The following HYI variants were observed in gnomAD, a reference collection of about 807,000 sequenced individuals.
HYI encodes the protein hydroxypyruvate isomerase (putative), also known as putative hydroxypyruvate isomerase.
Under a neutral mutation model 39.7 loss-of-function variants are expected in HYI, and 47 were observed. That is an observed-to-expected ratio of 1.18 (90% CI 0.94 to 1.51). The LOEUF is 1.51. HYI is among the 40% of genes most tolerant of loss of function. HYI has a pLI of 0.00. For synonymous variants in HYI, 186 were observed against 158.8 expected, an observed-to-expected ratio of 1.17 and a Z score of -1.29; for missense variants, 465 against 370.3, an observed-to-expected ratio of 1.26 and a Z score of -2.10.
In HYI at chr1:43,451,561, A is replaced by G; in HGVS notation, c.626-17T>C. The G allele has an allele frequency of 1.2e-6, 2 of 1,613,472 alleles. No individual in the cohort carries two copies. The highest frequency in any genetic ancestry group is 1.7e-6 in the Non-Finnish European group (2 of 1,179,594). On this transcript the variant is annotated splice_polypyrimidine_tract_variant and intron_variant, in intron 6 of 7. Coordinates refer to ENST00000372430, the MANE Select transcript of HYI (RefSeq NM_001190880.3). ...GCACATGCCCTGGGGACAGATGTGG[A>G]CAAATGTGGGGTCCAGGCTCCTGCC...
chr1:43,453,751 G>C lies in HYI; in HGVS notation c.43C>G (p.Pro15Ala). The C allele has an allele frequency of 4.3e-6, 6 of 1,379,824 alleles. No individual in the cohort carries two copies. In the South Asian group the frequency reaches 8.7e-5, roughly 20 times the overall value. The allele number at this position is 1,379,824 out of a possible 1,614,324, so 85.5% of individuals were successfully genotyped here. A position where few individuals can be genotyped will look rare whatever the true frequency, so the allele number is the denominator to read the frequency against. ...RFSANLSWLF[P>A]ELSGLPARVR... ...CGCGCGGGGAGGCCGGAGAGCTCGGGGAATAGCCAGGACAGATTGGCGGAG... is the reference window on the plus strand; with the variant it reads ...CGCGCGGGGAGGCCGGAGAGCTCGGCGAATAGCCAGGACAGATTGGCGGAG... The change falls in exon 1 of 8, where the codon CCC becomes GCC. Residue 15 changes from proline (P) to alanine (A), a missense_variant. Pro to Ala is a conservative substitution (Grantham distance 27). Coordinates refer to ENST00000372430, the MANE Select transcript of HYI (RefSeq NM_001190880.3).
intron 2 of HYI, chr1:43,452,599 C>G: frequency 1.7e-6 from 1 of 599,428 alleles, no homozygotes. Flanking sequence ...CTGTAACCTG[C>G]TAAATTCTCA....
Position 43,453,490 on chromosome 1 carries a change from T to C in HYI, c.207A>G (p.Gln69=). 1.9e-6 allele frequency: 3 copies of C among 1,555,198 alleles called. No homozygotes were observed. The highest frequency in any genetic ancestry group is 2.6e-6 in the Non-Finnish European group (3 of 1,148,744). The stretch of plus-strand genomic sequence containing the variant: ...CCCCCAGCCCCATTTCCCCCTTCTC[T>C]TGGTCTCCTGCAGAGAGAACGGGCC... ...LVLINTPPGD[Q]EKGEMGLGAV... is the part of the protein sequence containing the mutation. Residue 69 remains glutamine, a synonymous_variant, in exon 2 of 8, where the codon CAA becomes CAG. Transcript: ENST00000372430.
chr1:43,452,360 C>T (rs748315953), intron 2 of HYI, 41 bp from the exon 3 acceptor site: 9 of 1,458,382 alleles, frequency 6.2e-6, no homozygotes, highest in Non-Finnish European at 7.6e-6. Flanking sequence ...TCCCTTGGCT[C>T]TCTCTGCACC....
At chr1:43,452,864 C>T (rs903901568) in intron 2 of HYI, 2 of 1,565,716 alleles carry the variant, frequency 1.3e-6, no homozygotes, top group South Asian at 2.4e-5. Flanking sequence ...CAGCTCCAAG[C>T]AGACATTCCA....
intron 2 of HYI, chr1:43,453,106 C>T (rs1454216063): frequency 1.5e-5 from 11 of 753,468 alleles, no homozygotes; most frequent in Admixed American, 2.0e-5. Flanking sequence ...ATAGGCCTGT[C>T]CTCAAATGCA....
In HYI at chr1:43,453,464, G is replaced by A; in HGVS notation, c.233C>T (p.Ala78Val). 6.4e-7 allele frequency: 1 copy of A among 1,561,564 alleles called. No individual in the cohort carries two copies. Among genetic ancestry groups the A allele is most frequent in the South Asian group, 1.2e-5 (1 of 84,708 alleles). Reference protein sequence around the residue: ...DQEKGEMGLGAVPGRQAAFRE... With the variant: ...DQEKGEMGLGVVPGRQAAFRE... ...GAAGGCCGCCTGTCTCCCGGGGACG[G>A]CCCCCAGCCCCATTTCCCCCTTCTC... The change falls in exon 2 of 8, where the codon GCC becomes GTC. Residue 78 changes from alanine (A) to valine (V), a missense_variant. Coordinates refer to ENST00000372430, the MANE Select transcript of HYI (RefSeq NM_001190880.3).
At chr1:43,453,572 A>G (rs755042181) in intron 1 of HYI, 23 bp downstream of exon 1, 36 of 1,378,112 alleles carry the variant, frequency 2.6e-5, no homozygotes, top group Middle Eastern at 3.9e-4. Context: ...CAGCCCTCCC[A>G]GCCCTCCCGG....
At chr1:43,452,986 C>A in intron 2 of HYI, 1 of 1,598,182 alleles carries the variant, frequency 6.3e-7, no homozygotes, top group East Asian at 2.2e-5. Context: ...ACTTCCTGCC[C>A]ATCAAGCAAT....
intron 2 of HYI, 84 bp downstream of exon 2, chr1:43,453,302 C>T (rs74598418): frequency 5.8e-6 from 5 of 862,844 alleles, no homozygotes; most frequent in South Asian, 1.7e-5. Context: ...GACTTCTGAG[C>T]GTCTCAGATC....
At position 43,451,844 on chromosome 1, in the gene HYI, G is replaced by C. The variant is rs555956271; in HGVS notation, c.509C>G (p.Ala170Gly). 2 of 1,614,044 alleles carry C rather than the reference G, an allele frequency of 1.2e-6. No homozygotes were observed. The highest frequency in any genetic ancestry group is 4.5e-5 in the East Asian group (2 of 44,870). Residue 170 changes from alanine to glycine, a missense_variant, in exon 5 of 8, where the codon GCA becomes GGA. Physicochemically the swap from Ala to Gly is moderately conservative, Grantham distance 60 (BLOSUM62 0). Coordinates refer to ENST00000372430, the MANE Select transcript of HYI (RefSeq NM_001190880.3). Reference protein sequence around the residue: ...QYFLDTPQQAAAILQKVGRPN... With the variant: ...QYFLDTPQQAGAILQKVGRPN... ...TCTTCCTACCTTCTGTAAGATGGCTGCCGCTGTAAGAGAAGCCAGGGAGGG... is the reference window on the plus strand; with the variant it reads ...TCTTCCTACCTTCTGTAAGATGGCTCCCGCTGTAAGAGAAGCCAGGGAGGG...
chr1:43,452,034 G>T (rs373493449), intron 3 of HYI, 21 bp from the exon 4 acceptor site: 2 of 1,592,868 alleles, frequency 1.3e-6, no homozygotes, highest in African/African-American at 2.7e-5. Flanking sequence ...GTCGGGTGCT[G>T]TGAATAGAGC....
In HYI at chr1:43,451,639, T is replaced by C. The variant is rs1317823814; in HGVS notation, c.625+9A>G. The C allele has an allele frequency of 6.2e-7, 1 of 1,613,866 alleles. No individual in the cohort carries two copies. Among genetic ancestry groups the C allele is most frequent in the East Asian group, 2.2e-5 (1 of 44,852 alleles). ...GAAAGGGTGGGAGGGCAAAGGAAGG[T>C]CCTCTCACCAACAATGGGCAGGAAC... On this transcript the variant is annotated intron_variant, in intron 6 of 7. Coordinates refer to ENST00000372430, the MANE Select transcript of HYI (RefSeq NM_001190880.3).
At chr1:43,452,095 C>T in intron 3 of HYI, 82 bp from the exon 4 acceptor site, 1 of 1,516,842 alleles carries the variant, frequency 6.6e-7, no homozygotes, top group Non-Finnish European at 9.1e-7. Flanking sequence ...AGGCCCTCAC[C>T]TGTTCCTCTG....
intron 2 of HYI, 35 bp downstream of exon 2, chr1:43,453,351 G>A: frequency 7.1e-7 from 1 of 1,406,744 alleles, no homozygotes; most frequent in Non-Finnish European, 9.8e-7. Flanking sequence ...CAGGGTCATG[G>A]GTCACAGGGG....
chr1:43,453,738 C>G lies in HYI; in HGVS notation c.56G>C (p.Gly19Ala). ...NLSWLFPELS[G>A]LPARVRAAGS... ...CGCGGCCCGCACCCGCGCGGGGAGG[C>G]CGGAGAGCTCGGGGAATAGCCAGGA... Residue 19 changes from glycine to alanine, a missense_variant, in exon 1 of 8, where the codon GGC becomes GCC. Coordinates refer to ENST00000372430, the MANE Select transcript of HYI (RefSeq NM_001190880.3). 7.2e-7 allele frequency: 1 copy of G among 1,386,752 alleles called. No homozygotes were observed. The highest frequency in any genetic ancestry group is 2.6e-4 in the Middle Eastern group (1 of 3,870). The allele number at this position is 1,386,752 out of a possible 1,614,324, so 85.9% of individuals were successfully genotyped here.
downstream of HYI, chr1:43,450,736 C>A: frequency 1.4e-6 from 1 of 698,468 alleles, no homozygotes; most frequent in South Asian, 1.6e-5. This position sits in a 1 kb window ranked among gnomAD's most constrained non-coding sequence, Gnocchi z 4.3. Context: ...ACCCCTTGGG[C>A]CCTTCTGGGG....
chr1:43,452,641 C>G, intron 2 of HYI: 1 of 597,936 alleles, frequency 1.7e-6, no homozygotes, highest in Non-Finnish European at 3.0e-6. Context: ...TTTGCTTGCC[C>G]TTCTCAGGTA....
intron 2 of HYI, chr1:43,452,898 C>T (rs200047427): frequency 2.0e-4 from 316 of 1,596,578 alleles, no homozygotes; most frequent in Non-Finnish European, 2.6e-4. Context: ...CAACAGGCTA[C>T]ATACATGTCC....
Sources: allele counts gnomAD v4.1 joint callset, GRCh38; gene constraint gnomAD v4.1.1; non-coding constraint Gnocchi (gnomAD v3.1); transcripts MANE v1.5; gene names NCBI Gene and HGNC (gene_info 2026-07-23, HGNC 2026-07-21).